Variants in ZHX2 observed in about 807,000 individuals in gnomAD.
ZHX2 encodes the protein zinc fingers and homeoboxes protein 2.
A neutral mutation model predicts 21.9 loss-of-function variants in ZHX2; 6 were observed. The ratio of observed to expected loss-of-function variants is 0.27; its 90% CI spans 0.15 to 0.54. ZHX2 has a LOEUF of 0.54. ZHX2 is among the 20% of genes least tolerant of loss of function. The probability of loss-of-function intolerance (pLI) is 0.95; values close to 1 mark genes in which losing one functional copy is unlikely to be tolerated. For synonymous variants in ZHX2, 434 were observed against 437.1 expected, an observed-to-expected ratio of 0.99 and a Z score of 0.09; for missense variants, 908 against 1,090.7, an observed-to-expected ratio of 0.83 and a Z score of 2.36.
At chr8:122,852,843 G>C (rs1818933788) in intron 1 of ZHX2, among the ~76,000 whole-genome samples, 1 of 152,068 alleles carries the variant, frequency 6.6e-6, no homozygotes, top group African/African-American at 2.4e-5. Context: ...TCTTGCCTCG[G>C]TGGTTTGTAA....
intron 2 of ZHX2, among the ~76,000 whole-genome samples, chr8:122,943,186 C>T (rs926901653): frequency 1.3e-5 from 2 of 151,948 alleles, no homozygotes; most frequent in East Asian, 1.9e-4. Flanking sequence ...CGTTTGAGCC[C>T]GGAGTGTGGA....
chr8:122,954,091 G>C, intron 3 of ZHX2, 63 bp downstream of exon 3: 1 of 1,424,410 alleles, frequency 7.0e-7, no homozygotes, highest in South Asian at 1.4e-5. Context: ...TTCGTTGCCA[G>C]GGTTAATATA....
intron 1 of ZHX2, among the ~76,000 whole-genome samples, chr8:122,784,301 G>T (rs548874164): frequency 6.6e-6 from 1 of 152,164 alleles, no homozygotes; most frequent in African/African-American, 2.4e-5. Flanking sequence ...TATATTTTAC[G>T]TGCTTTATCA....
chr8:122,856,385 A>G (rs1310948071), intron 1 of ZHX2, among the ~76,000 whole-genome samples: 1 of 152,164 alleles, frequency 6.6e-6, no homozygotes, highest in Admixed American at 6.5e-5. Flanking sequence ...GTCCTCAGCC[A>G]CTTTCTGACA....
chr8:122,867,059 C>T (rs531747620), intron 2 of ZHX2, among the ~76,000 whole-genome samples: 1 of 151,936 alleles, frequency 6.6e-6, no homozygotes, highest in Admixed American at 6.6e-5. Context: ...TCTCGAACCC[C>T]TGGACCTCAA....
intron 2 of ZHX2, among the ~76,000 whole-genome samples, chr8:122,914,769 A>G (rs1433597584): frequency 1.3e-5 from 2 of 152,124 alleles, no homozygotes; most frequent in Non-Finnish European, 2.9e-5. Context: ...GAGCTTTTTC[A>G]TCTCCTTCTT....
chr8:122,891,825 G>A (rs1223280365), intron 2 of ZHX2, among the ~76,000 whole-genome samples: 3 of 152,196 alleles, frequency 2.0e-5, no homozygotes, highest in Non-Finnish European at 4.4e-5. Context: ...ATCGAGAGTT[G>A]TTTTGTGGCC....
chr8:122,967,319 G>C (rs189596072), intron 3 of ZHX2, among the ~76,000 whole-genome samples: 1 of 152,176 alleles, frequency 6.6e-6, no homozygotes, highest in Non-Finnish European at 1.5e-5. Context: ...TGCTGTTCAG[G>C]TTCTTTTGTC....
intron 3 of ZHX2, among the ~76,000 whole-genome samples, chr8:122,972,572 A>T (rs1813751924): frequency 6.6e-6 from 1 of 152,176 alleles, no homozygotes; most frequent in South Asian, 2.1e-4. Context: ...TCATATAAAC[A>T]TTAAATAAAA....
At chr8:122,954,977 G>A (rs1179051504) in intron 3 of ZHX2, among the ~76,000 whole-genome samples, 2 of 145,386 alleles carry the variant, frequency 1.4e-5, no homozygotes, top group Admixed American at 7.3e-5. Context: ...CCTTGTCAGG[G>A]CAAAAGGAAG....
At chr8:122,875,658 C>A (rs1819555401) in intron 2 of ZHX2, among the ~76,000 whole-genome samples, 1 of 152,278 alleles carries the variant, frequency 6.6e-6, no homozygotes, top group Non-Finnish European at 1.5e-5. Context: ...ATCTCCTCAA[C>A]AATCCTCTGC....
At chr8:122,850,131 C>T (rs1818852318) in intron 1 of ZHX2, among the ~76,000 whole-genome samples, 1 of 152,194 alleles carries the variant, frequency 6.6e-6, no homozygotes, top group South Asian at 2.1e-4. Context: ...TTCTCTCACA[C>T]TTCATTCCAT....
intron 1 of ZHX2, among the ~76,000 whole-genome samples, chr8:122,845,666 G>T (rs1818736207): frequency 6.6e-6 from 1 of 152,204 alleles, no homozygotes; most frequent in Admixed American, 6.5e-5. Flanking sequence ...AAAAGTTAAA[G>T]GTGCTGCACT....
At chr8:122,850,668 T>C (rs1481162849) in intron 1 of ZHX2, among the ~76,000 whole-genome samples, 1 of 145,464 alleles carries the variant, frequency 6.9e-6, no homozygotes, top group Admixed American at 6.8e-5. Context: ...ATGCCACCAC[T>C]ACCTCCCACA....
At chr8:122,879,610 T>C (rs557938083) in intron 2 of ZHX2, among the ~76,000 whole-genome samples, 35 of 152,164 alleles carry the variant, frequency 2.3e-4, no homozygotes, top group African/African-American at 7.9e-4. Context: ...ATTATTCCCA[T>C]TTCACAGATG....
At chr8:122,947,641 T>C (rs1024724254) in intron 2 of ZHX2, among the ~76,000 whole-genome samples, 1 of 151,648 alleles carries the variant, frequency 6.6e-6, no homozygotes, top group Admixed American at 6.6e-5. Flanking sequence ...AAATAGAGAG[T>C]GCTAAGGAGG....
intron 3 of ZHX2, among the ~76,000 whole-genome samples, chr8:122,962,918 A>AT (rs1270639839): frequency 6.6e-6 from 1 of 151,606 alleles, no homozygotes; most frequent in Non-Finnish European, 1.5e-5. Flanking sequence ...GGCCATTCAT[A>AT]TATCTTCTTT....
chr8:122,951,896 A>C lies in ZHX2; in HGVS notation c.386A>C (p.Asn129Thr). ...AAGTACGACTCCCTATCCGACCACA[A>C]CTCCAAGTTCCATCCCGGGGAGGCC... ...TKKYDSLSDHNSKFHPGEANF... is the reference protein window; with the variant it reads ...TKKYDSLSDHTSKFHPGEANF... The change falls in exon 3 of 4, where the codon AAC becomes ACC. Residue 129 changes from asparagine (N) to threonine (T), a missense_variant. Around this residue, in one of 4 missense-constraint regions of ZHX2, gnomAD observed 220 missense variants for 251.4 expected, o/e 0.88. Coordinates refer to ENST00000314393, the MANE Select transcript of ZHX2 (RefSeq NM_014943.5). 1 of 1,613,920 alleles carries C rather than the reference A, an allele frequency of 6.2e-7. No individual in the cohort carries two copies. The highest frequency in any genetic ancestry group is 8.5e-7 in the Non-Finnish European group (1 of 1,180,004).
chr8:122,788,648 G>A (rs1342891791), intron 1 of ZHX2, among the ~76,000 whole-genome samples: 27 of 152,174 alleles, frequency 1.8e-4, no homozygotes. Context: ...AAAGAAGGTA[G>A]CAAAGACAGA....
Sources: allele counts gnomAD v4.1 joint callset (sites outside exome capture counted in the v4.1 genomes callset), GRCh38; gene constraint gnomAD v4.1.1; regional missense constraint gnomAD v4.1.1; transcripts MANE v1.5; gene names NCBI Gene and HGNC (gene_info 2026-07-23, HGNC 2026-07-21).